DROSHA: variants seen among roughly 807,000 people sequenced by gnomAD.
DROSHA encodes ribonuclease 3.
Under a neutral mutation model 181.9 loss-of-function variants are expected in DROSHA, and 56 were observed. The observed-to-expected ratio is 0.31, with a 90% CI of 0.25 to 0.38. The LOEUF is 0.38. Ranked by LOEUF, DROSHA falls within the 10% of genes least tolerant of loss-of-function variation. DROSHA has a pLI of 1.00. For missense variants in DROSHA, 1,218 were observed against 1,743.5 expected (o/e 0.70, Z 5.37); for synonymous variants, 524 against 591.2 (o/e 0.89, Z 1.65).
In DROSHA at chr5:31,453,472, G is replaced by C. The variant is rs181283319; in HGVS notation, c.2575-1832C>G. 1.5e-3 allele frequency among the ~76,000 whole-genome samples: 223 copies of C among 152,278 alleles called. 1 individual carries two copies. The highest frequency in any genetic ancestry group is 5.3e-3 in the African/African-American group (219 of 41,560). On this transcript the variant is annotated intron_variant, in intron 20 of 35. Coordinates refer to ENST00000344624, the MANE Select transcript of DROSHA (RefSeq NM_001382508.1). ...CTGTCTCAGCCTCCCAAAGTGCTAAGATTACATAGGTGTGAGCCACTGCGC... is the reference window on the plus strand; with the variant it reads ...CTGTCTCAGCCTCCCAAAGTGCTAACATTACATAGGTGTGAGCCACTGCGC...
At chr5:31,486,624 C>T (rs952958110) in intron 13 of DROSHA, 62 bp from the exon 14 acceptor site, 4 of 1,465,532 alleles carry the variant, frequency 2.7e-6, no homozygotes, top group Admixed American at 3.8e-5. Context: ...ATATTATACA[C>T]GTTTGTTACC....
chr5:31,424,014 T>C (rs962598794), intron 28 of DROSHA, among the ~76,000 whole-genome samples: 3 of 152,232 alleles, frequency 2.0e-5, no homozygotes, highest in Non-Finnish European at 2.9e-5. Context: ...ACGTTAACAA[T>C]GTTAATTTAG....
chr5:31,443,773 C>G (rs1316118973), intron 23 of DROSHA, among the ~76,000 whole-genome samples: 1 of 152,198 alleles, frequency 6.6e-6, no homozygotes, highest in Non-Finnish European at 1.5e-5. Context: ...ATTTAAACTG[C>G]TGACCGTAAC....
chr5:31,403,925 T>C (rs943168469), intron 35 of DROSHA, among the ~76,000 whole-genome samples: 1 of 152,150 alleles, frequency 6.6e-6, no homozygotes, highest in East Asian at 1.9e-4. Flanking sequence ...ATGATTCTCA[T>C]GGTATAAACT....
chr5:31,445,044 G>A (rs1051771365), intron 23 of DROSHA, among the ~76,000 whole-genome samples: 3 of 152,174 alleles, frequency 2.0e-5, no homozygotes, highest in Non-Finnish European at 4.4e-5. Context: ...TAATTGCCTC[G>A]ATTTTCTGTC....
intron 11 of DROSHA, among the ~76,000 whole-genome samples, chr5:31,503,256 G>A (rs756746861): frequency 2.0e-5 from 3 of 152,112 alleles, no homozygotes; most frequent in African/African-American, 2.4e-5. Context: ...CATGGATCCC[G>A]CTTATCAAGG....
chr5:31,426,762 C>T (rs562249462), intron 27 of DROSHA, among the ~76,000 whole-genome samples: 1 of 151,990 alleles, frequency 6.6e-6, no homozygotes, highest in African/African-American at 2.4e-5. Context: ...GCTTGGGAGG[C>T]TGTAACCAAA....
intron 23 of DROSHA, among the ~76,000 whole-genome samples, chr5:31,440,324 T>C (rs1745409932): frequency 6.6e-6 from 1 of 152,256 alleles, no homozygotes; most frequent in Non-Finnish European, 1.5e-5. Flanking sequence ...TTCTGTTTCA[T>C]GTGTGCCAGT....
In DROSHA at chr5:31,406,771, G is replaced by A; in HGVS notation, c.3947+82C>T. On this transcript the variant is annotated intron_variant, in intron 34 of 35. Coordinates refer to ENST00000344624, the MANE Select transcript of DROSHA (RefSeq NM_001382508.1). ...ATTCTCTGAGTTAAAAAAGACAGAT[G>A]ACTGAGTTTGGAGATAGCAGCTAGG... 9.5e-6 allele frequency: 12 copies of A among 1,263,370 alleles called. 1 individual carries two copies. The South Asian group carries it at 1.6e-4, about 17-fold the overall frequency. 78.3% of individuals were successfully genotyped at this position (1,263,370 alleles called of 1,614,324 possible). A position where few individuals can be genotyped will look rare whatever the true frequency, so the allele number is the denominator to read the frequency against.
chr5:31,524,084 G>A (rs1302652366), intron 5 of DROSHA, among the ~76,000 whole-genome samples: 3 of 151,138 alleles, frequency 2.0e-5, no homozygotes, highest in Admixed American at 1.3e-4. Flanking sequence ...ATGCTGAAAA[G>A]ATTTTTAAAG....
At chr5:31,474,586 A>G (rs777810953) in intron 16 of DROSHA, among the ~76,000 whole-genome samples, 2 of 151,960 alleles carry the variant, frequency 1.3e-5, no homozygotes, top group Non-Finnish European at 2.9e-5. Context: ...CTGTTCTCCA[A>G]TTCCTGGGAT....
intron 13 of DROSHA, among the ~76,000 whole-genome samples, chr5:31,492,156 T>C (rs1032575570): frequency 6.6e-6 from 1 of 152,238 alleles, no homozygotes; most frequent in African/African-American, 2.4e-5. Flanking sequence ...GTAATATATA[T>C]TATGAAATGA....
intron 16 of DROSHA, among the ~76,000 whole-genome samples, chr5:31,478,457 C>T: frequency 6.6e-6 from 1 of 152,236 alleles, no homozygotes; most frequent in East Asian, 1.9e-4. Context: ...AACATCCTGG[C>T]CAGGTGTGAT....
chr5:31,427,614 T>G (rs1047666477), intron 27 of DROSHA, among the ~76,000 whole-genome samples: 2 of 152,106 alleles, frequency 1.3e-5, no homozygotes, highest in African/African-American at 4.8e-5. Context: ...CCCAAAGTAA[T>G]CTCTTGCTGC....
rs1268709021 is a variant in DROSHA, at chr5:31,470,240, A to G, written c.2241+1823T>C. 6.6e-6 allele frequency among the ~76,000 whole-genome samples: 1 copy of G among 152,210 alleles called. No individual in the cohort carries two copies. The highest frequency in any genetic ancestry group is 2.4e-5 in the African/African-American group (1 of 41,452). ...CAAGGATGCACAGTTAATCATGCCA[A>G]TAATTTCTACAATTTCTCAATTCCT... On this transcript the variant is annotated intron_variant, in intron 17 of 35. Coordinates refer to ENST00000344624, the MANE Select transcript of DROSHA (RefSeq NM_001382508.1). The surrounding 1 kb of genome is among the most constrained non-coding windows in gnomAD (Gnocchi z 4.0).
At chr5:31,495,646 C>A (rs1752899326) in intron 11 of DROSHA, among the ~76,000 whole-genome samples, 1 of 152,166 alleles carries the variant, frequency 6.6e-6, no homozygotes, top group African/African-American at 2.4e-5. Flanking sequence ...CTCCAAAATA[C>A]CATGAACTTG....
chr5:31,510,911 A>T, intron 9 of DROSHA, 124 bp downstream of exon 9: 1 of 1,248,422 alleles, frequency 8.0e-7, no homozygotes, highest in Non-Finnish European at 1.1e-6. Context: ...TACTGACTGT[A>T]ATTAAGAAAA....
chr5:31,415,971 G>C (rs901033446), intron 30 of DROSHA, among the ~76,000 whole-genome samples: 1 of 152,148 alleles, frequency 6.6e-6, no homozygotes, highest in Non-Finnish European at 1.5e-5. Flanking sequence ...AGAACAATTG[G>C]ATAAGCCTAA....
intron 23 of DROSHA, among the ~76,000 whole-genome samples, chr5:31,447,105 T>C (rs1232126862): frequency 6.6e-6 from 1 of 152,154 alleles, no homozygotes; most frequent in Non-Finnish European, 1.5e-5. Flanking sequence ...AATGAGATCA[T>C]GTCCTTTGCA....
Sources: gnomAD v4.1 joint callset for allele counts (sites outside exome capture counted in the v4.1 genomes callset) on GRCh38, gnomAD v4.1.1 for gene constraint, Gnocchi (gnomAD v3.1) non-coding constraint, MANE v1.5 for transcripts, NCBI Gene and HGNC (gene_info 2026-07-23, HGNC 2026-07-21) for gene names.